CFAP141: variants seen among roughly 807,000 people sequenced by gnomAD.
CFAP141 encodes cilia- and flagella-associated protein 141.
the CFAP141 span, among the ~76,000 whole-genome samples, chr1:154,204,946 A>G: frequency 6.9e-6 from 1 of 144,978 alleles, no homozygotes; most frequent in Non-Finnish European, 1.5e-5. Flanking sequence ...CAGTGGTGCG[A>G]TCTTGGCTCA....
At chr1:154,205,730 G>C in the CFAP141 span, 1 of 1,225,832 alleles carries the variant, frequency 8.2e-7, no homozygotes, top group Non-Finnish European at 1.2e-6. Flanking sequence ...TTGAGACAGA[G>C]TTTTGCTCTT....
chr1:154,200,546 C>CA, the CFAP141 span: 7 of 1,614,176 alleles, frequency 4.3e-6, no homozygotes, highest in South Asian at 7.7e-5. Flanking sequence ...TTCTCTGGCC[C>CA]AATGCCATTT....
chr1:154,206,268 T>G, the CFAP141 span: 2 of 1,613,982 alleles, frequency 1.2e-6, no homozygotes, highest in East Asian at 2.2e-5. Context: ...CTTCCAACTC[T>G]GCATACCTCT....
At chr1:154,204,269 C>T in the CFAP141 span, among the ~76,000 whole-genome samples, 2 of 152,028 alleles carry the variant, frequency 1.3e-5, no homozygotes, top group Non-Finnish European at 1.5e-5. Context: ...GTAAACATGG[C>T]TGTATCAACC....
chr1:154,205,631 T>A, the CFAP141 span: 1 of 1,614,006 alleles, frequency 6.2e-7, no homozygotes, highest in East Asian at 2.2e-5. Flanking sequence ...CATGGCCTTT[T>A]GAAAACTCTG....
At chr1:154,205,500 C>T in the CFAP141 span, 1 of 1,118,938 alleles carries the variant, frequency 8.9e-7, no homozygotes, top group Non-Finnish European at 1.4e-6. Context: ...TTGATGAGCC[C>T]CTAAAGAGAT....
chr1:154,205,006 C>T, the CFAP141 span, among the ~76,000 whole-genome samples: 7 of 151,866 alleles, frequency 4.6e-5, no homozygotes, highest in African/African-American at 1.5e-4. Context: ...CTCAGCCTCC[C>T]GAGTAGCTGG....
the CFAP141 span, among the ~76,000 whole-genome samples, chr1:154,205,848 A>C: frequency 2.0e-5 from 3 of 151,980 alleles, no homozygotes; most frequent in Non-Finnish European, 4.4e-5. Context: ...AGATTATAGG[A>C]ATGCACCACC....
chr1:154,205,169 C>T, the CFAP141 span, among the ~76,000 whole-genome samples: 90 of 152,184 alleles, frequency 5.9e-4, no homozygotes, highest in Non-Finnish European at 1.1e-3. Flanking sequence ...CAGGCGTGAG[C>T]CACCGCGCCC....
chr1:154,205,159 C>T, the CFAP141 span, among the ~76,000 whole-genome samples: 15 of 152,108 alleles, frequency 9.9e-5, no homozygotes, highest in Admixed American at 5.9e-4. Flanking sequence ...GCTAGGATTA[C>T]AGGCGTGAGC....
At chr1:154,199,286 G>A in the CFAP141 span, 1 of 584,664 alleles carries the variant, frequency 1.7e-6, no homozygotes, top group Non-Finnish European at 3.1e-6. Context: ...GTGGAGAAGT[G>A]AGAGTGGAAG....
the CFAP141 span, chr1:154,205,709 C>CTT: frequency 1.9e-4 from 214 of 1,144,808 alleles, no homozygotes; most frequent in Middle Eastern, 2.1e-4. Flanking sequence ...AGACATAGAC[C>CTT]TTTTTTTTTT....
At chr1:154,202,258 T>C in the CFAP141 span, among the ~76,000 whole-genome samples, 1 of 150,702 alleles carries the variant, frequency 6.6e-6, no homozygotes, top group Non-Finnish European at 1.5e-5. Flanking sequence ...AAATTTTTAG[T>C]AGAGGTGGGG....
chr1:154,199,672 G>C, the CFAP141 span: 1 of 593,870 alleles, frequency 1.7e-6, no homozygotes, highest in East Asian at 2.9e-5. Flanking sequence ...TAGCAGAGAG[G>C]CTGAACCAGC....
At chr1:154,203,294 C>G in the CFAP141 span, among the ~76,000 whole-genome samples, 1 of 136,280 alleles carries the variant, frequency 7.3e-6, no homozygotes, top group Non-Finnish European at 1.6e-5. Context: ...GAGTCCTGCT[C>G]TGTTGCCCAG....
the CFAP141 span, chr1:154,199,291 T>G: frequency 1.7e-6 from 1 of 591,100 alleles, no homozygotes; most frequent in East Asian, 2.8e-5. Flanking sequence ...GAAGTGAGAG[T>G]GGAAGTGCTG....
At chr1:154,203,213 A>ACACACTT in the CFAP141 span, among the ~76,000 whole-genome samples, 1 of 50,160 alleles carries the variant, frequency 2.0e-5, no homozygotes, top group African/African-American at 8.6e-5. Flanking sequence ...ATATATATAT[A>ACACACTT]TATATATATA....
the CFAP141 span, chr1:154,206,173 T>C: frequency 3.7e-6 from 4 of 1,077,750 alleles, no homozygotes; most frequent in Non-Finnish European, 4.3e-6. Flanking sequence ...ATTATACCCT[T>C]GTTACATCAA....
the CFAP141 span, among the ~76,000 whole-genome samples, chr1:154,201,206 C>T: frequency 5.3e-5 from 8 of 151,948 alleles, no homozygotes; most frequent in Non-Finnish European, 1.2e-4. Context: ...TCTCGGCTCA[C>T]TGCAACCTCC....
Sources: gnomAD v4.1 joint callset for allele counts (sites outside exome capture counted in the v4.1 genomes callset) on GRCh38, gnomAD v4.1.1 for gene constraint, MANE v1.5 for transcripts, NCBI Gene and HGNC (gene_info 2026-07-23, HGNC 2026-07-21) for gene names.